The following CLVS1 variants were observed in gnomAD, a reference collection of about 807,000 sequenced individuals.
CLVS1 encodes clavesin-1.
In CLVS1, 10 loss-of-function variants were observed where a neutral mutation model predicts 33.1. The observed-to-expected ratio is 0.30, with a 90% CI of 0.19 to 0.51. CLVS1 has a LOEUF of 0.51. Ranked by LOEUF, CLVS1 falls within the 20% of genes least tolerant of loss-of-function variation. The probability of loss-of-function intolerance (pLI) is 0.97; values close to 1 mark genes in which losing one functional copy is unlikely to be tolerated. For missense variants in CLVS1, 343 were observed against 433.4 expected (o/e 0.79, Z 1.85); for synonymous variants, 163 against 166.1 (o/e 0.98, Z 0.14).
chr8:61,500,852 T>TTTG lies in CLVS1; in HGVS notation c.*1313_*1315dup, dbSNP rs759590717. 1 of 152,210 alleles carries TTTG rather than the reference T, an allele frequency of 6.6e-6. No homozygotes were observed. Among genetic ancestry groups the TTTG allele is most frequent in the Non-Finnish European group, 1.5e-5 (1 of 68,038 alleles). The allele number at this position is 152,210 out of a possible 1,614,324, so 9.4% of individuals were successfully genotyped here. A position where few individuals can be genotyped will look rare whatever the true frequency, so the allele number is the denominator to read the frequency against. ...TATTTTAAATATTTGGGAGAGTTAA[T>TTTG]TTGTTAGCTAAATAATTCAAGGGAA... On this transcript the variant is annotated 3_prime_UTR_variant, in exon 6 of 6. Coordinates refer to ENST00000325897, the MANE Select transcript of CLVS1 (RefSeq NM_173519.3).
At chr8:60,991,326 A>G in the CLVS1 span, among the ~76,000 whole-genome samples, 3 of 152,240 alleles carry the variant, frequency 2.0e-5, no homozygotes, top group African/African-American at 4.8e-5. Context: ...CAGAAAGGGC[A>G]CATGTAAAAC....
chr8:61,200,228 C>G (rs1322649035), intron 2 of CLVS1, among the ~76,000 whole-genome samples: 3 of 152,176 alleles, frequency 2.0e-5, no homozygotes, highest in Non-Finnish European at 4.4e-5. Context: ...AAGCAATTCT[C>G]CCACCTCAGC....
the CLVS1 span, among the ~76,000 whole-genome samples, chr8:60,993,542 C>T: frequency 6.6e-6 from 1 of 152,210 alleles, no homozygotes; most frequent in South Asian, 2.1e-4. Flanking sequence ...GCCCAGTGGG[C>T]TGTGGTGAGG....
the CLVS1 span, among the ~76,000 whole-genome samples, chr8:60,974,118 G>A: frequency 3.8e-4 from 58 of 152,320 alleles, no homozygotes; most frequent in African/African-American, 1.3e-3. Context: ...TTTTCCTTGT[G>A]TAGGGATATA....
rs184693289 is a variant in CLVS1 at position 61,343,096 on chromosome 8, A to G, written c.456-33509A>G. ...CACTCAATTTAACAAAACAAATATG[A>G]CTTCAAAGTAACTTTGGGTATATTT... On this transcript the variant is annotated intron_variant, in intron 2 of 5. Coordinates refer to ENST00000325897, the MANE Select transcript of CLVS1 (RefSeq NM_173519.3). 2.0e-5 allele frequency among the ~76,000 whole-genome samples: 3 copies of G among 152,310 alleles called. No individual in the cohort carries two copies. In the East Asian group the frequency reaches 5.8e-4, roughly 29 times the overall value.
intron 2 of CLVS1, among the ~76,000 whole-genome samples, chr8:61,367,335 T>G (rs77194618): frequency 0.38 from 57,382 of 151,600 alleles, 13,076 homozygotes; most frequent in East Asian, 0.64. Flanking sequence ...TTTGCCCCAT[T>G]GCACAGGAAA....
chr8:61,350,098 T>A (rs925649033), intron 2 of CLVS1, among the ~76,000 whole-genome samples: 2 of 152,172 alleles, frequency 1.3e-5, no homozygotes, highest in African/African-American at 4.8e-5. Flanking sequence ...ATAAAAGGGA[T>A]AAGTCCAAGA....
At chr8:60,999,984 A>G in the CLVS1 span, among the ~76,000 whole-genome samples, 1 of 152,214 alleles carries the variant, frequency 6.6e-6, no homozygotes, top group East Asian at 1.9e-4. Flanking sequence ...TAATAATCAG[A>G]CAGATGGAGT....
the CLVS1 span, among the ~76,000 whole-genome samples, chr8:61,043,704 C>A: frequency 6.6e-6 from 1 of 152,164 alleles, no homozygotes; most frequent in Non-Finnish European, 1.5e-5. Context: ...CACAAGATAG[C>A]CTGAAAGGAC....
intron 2 of CLVS1, among the ~76,000 whole-genome samples, chr8:61,249,414 A>G (rs769924268): frequency 2.0e-5 from 3 of 152,254 alleles, no homozygotes; most frequent in Non-Finnish European, 2.9e-5. Context: ...AGAATGATTT[A>G]TAATCCTTTG....
At chr8:61,472,578 G>A (rs200366248) in intron 5 of CLVS1, among the ~76,000 whole-genome samples, 2 of 152,048 alleles carry the variant, frequency 1.3e-5, no homozygotes, top group East Asian at 1.9e-4. Flanking sequence ...TGTCTCTAAG[G>A]TTATCAGTAA....
the CLVS1 span, chr8:60,967,698 G>A: frequency 6.6e-6 from 3 of 455,838 alleles, no homozygotes; most frequent in Admixed American, 4.7e-5. Context: ...CACTGCTCAG[G>A]GTGTGGGTGC....
chr8:61,389,712 A>G (rs1814226252), intron 3 of CLVS1, among the ~76,000 whole-genome samples: 1 of 152,220 alleles, frequency 6.6e-6, no homozygotes, highest in Non-Finnish European at 1.5e-5. Flanking sequence ...CACAGCCATG[A>G]TCTTGAGCTA....
At chr8:61,435,505 G>A (rs1473439772) in intron 3 of CLVS1, among the ~76,000 whole-genome samples, 2 of 151,666 alleles carry the variant, frequency 1.3e-5, no homozygotes, top group Non-Finnish European at 2.9e-5. Context: ...TCTATTACAA[G>A]GTAGGCAGTT....
chr8:61,060,055 GGCA>G (rs1263091795), intron 1 of CLVS1, among the ~76,000 whole-genome samples: 1 of 152,068 alleles, frequency 6.6e-6, no homozygotes, highest in Non-Finnish European at 1.5e-5. Context: ...GAATGACCTT[GGCA>G]GTAGGATCAC....
chr8:61,011,510 A>T, the CLVS1 span, among the ~76,000 whole-genome samples: 1 of 152,014 alleles, frequency 6.6e-6, no homozygotes, highest in Non-Finnish European at 1.5e-5. Flanking sequence ...GTGCAATGGC[A>T]TGGTGTCGGC....
chr8:61,467,701 G>A (rs75330533), intron 5 of CLVS1, among the ~76,000 whole-genome samples: 2 of 152,194 alleles, frequency 1.3e-5, no homozygotes, highest in African/African-American at 4.8e-5. Context: ...AGAAAGTGGG[G>A]ATTTTAGGCT....
intron 4 of CLVS1, among the ~76,000 whole-genome samples, chr8:61,457,146 A>G (rs1471107841): frequency 1.3e-5 from 2 of 152,068 alleles, no homozygotes; most frequent in East Asian, 4.0e-4. Context: ...CATGTTGGCC[A>G]GGCTGGTCTC....
chr8:61,168,999 T>C (rs1285626057), intron 2 of CLVS1, among the ~76,000 whole-genome samples: 5 of 152,234 alleles, frequency 3.3e-5, no homozygotes, highest in African/African-American at 1.2e-4. Flanking sequence ...TTGCACCATA[T>C]TGAGACCTAG....
Sources: gnomAD v4.1 joint callset for allele counts (sites outside exome capture counted in the v4.1 genomes callset) on GRCh38, gnomAD v4.1.1 for gene constraint, MANE v1.5 for transcripts, NCBI Gene and HGNC (gene_info 2026-07-23, HGNC 2026-07-21) for gene names.